ASH1L: variants seen among roughly 807,000 people sequenced by gnomAD.
ASH1L encodes ASH1 like histone lysine methyltransferase, also known as histone-lysine N-methyltransferase ASH1L.
A neutral mutation model predicts 269.0 loss-of-function variants in ASH1L; 23 were observed. The ratio of observed to expected loss-of-function variants is 0.09; its 90% CI spans 0.06 to 0.12. ASH1L has a LOEUF of 0.12. Among genes scored for constraint, ASH1L ranks in the 10% least tolerant of loss-of-function variants. ASH1L has a pLI of 1.00. For synonymous variants in ASH1L, 1,187 were observed against 1,253.5 expected (o/e 0.95, Z 1.12); for missense variants, 2,912 against 3,567.8 (o/e 0.82, Z 4.68).
intron 5 of ASH1L, among the ~76,000 whole-genome samples, chr1:155,420,807 A>AC (rs1199605651): frequency 2.0e-5 from 3 of 150,588 alleles, no homozygotes; most frequent in African/African-American, 2.4e-5. Context: ...CCAAGATCGC[A>AC]CTACTGCACT....
intron 5 of ASH1L, among the ~76,000 whole-genome samples, chr1:155,429,842 C>CTT (rs1661470304): frequency 6.6e-6 from 1 of 152,114 alleles, no homozygotes; most frequent in African/African-American, 2.4e-5. Flanking sequence ...CTTTGTCACC[C>CTT]AGGATGGAAT....
intron 4 of ASH1L, among the ~76,000 whole-genome samples, chr1:155,449,833 T>C (rs1275890960): frequency 6.6e-6 from 1 of 152,148 alleles, no homozygotes; most frequent in Non-Finnish European, 1.5e-5. Flanking sequence ...AAAATGTGTT[T>C]TATATTTTCC....
chr1:155,350,413 T>C (rs1425805376), intron 17 of ASH1L, among the ~76,000 whole-genome samples: 1 of 152,162 alleles, frequency 6.6e-6, no homozygotes, highest in Non-Finnish European at 1.5e-5. Context: ...TAAGATTGTC[T>C]AGGATATGAA....
At chr1:155,415,055 T>A (rs920449204) in intron 6 of ASH1L, among the ~76,000 whole-genome samples, 8 of 152,162 alleles carry the variant, frequency 5.3e-5, no homozygotes, top group African/African-American at 1.9e-4. Flanking sequence ...TCATTTTAGT[T>A]ACACAGAGCC....
intron 5 of ASH1L, among the ~76,000 whole-genome samples, chr1:155,417,509 T>C (rs1660312856): frequency 6.6e-6 from 1 of 152,162 alleles, no homozygotes. Context: ...CAGAAAACTG[T>C]AACCTGAGCA....
intron 5 of ASH1L, among the ~76,000 whole-genome samples, 171 bp from the exon 6 acceptor site, chr1:155,416,094 GA>G (rs1660186260): frequency 6.6e-6 from 1 of 150,922 alleles, no homozygotes; most frequent in Admixed American, 6.7e-5. Context: ...AGAAGTAATA[GA>G]AATATGGTAG....
chr1:155,513,276 A>T (rs1001385960), intron 2 of ASH1L, among the ~76,000 whole-genome samples: 1 of 152,062 alleles, frequency 6.6e-6, no homozygotes, highest in African/African-American at 2.4e-5. Context: ...ACATAGAATT[A>T]TAATGCCCCA....
intron 2 of ASH1L, among the ~76,000 whole-genome samples, chr1:155,487,158 T>C (rs1464463053): frequency 1.3e-5 from 2 of 151,782 alleles, no homozygotes; most frequent in African/African-American, 2.4e-5. Flanking sequence ...AGGATGAAAC[T>C]CCACCTCAAA....
intron 1 of ASH1L, among the ~76,000 whole-genome samples, chr1:155,528,782 G>A (rs1290247188): frequency 6.6e-6 from 1 of 152,036 alleles, no homozygotes; most frequent in African/African-American, 2.4e-5. Flanking sequence ...TGTCATGGGG[G>A]TTTATTTCAT....
chr1:155,559,853 A>G (rs1308664008), intron 1 of ASH1L, among the ~76,000 whole-genome samples: 1 of 152,120 alleles, frequency 6.6e-6, no homozygotes, highest in Non-Finnish European at 1.5e-5. Flanking sequence ...CCAAGACAGG[A>G]GCTTCAAATC....
Position 155,371,092 on chromosome 1 carries a change from AT to A in ASH1L, c.6333-110del, listed in dbSNP as rs1260304570. 15 of 898,792 alleles carry A rather than the reference AT, an allele frequency of 1.7e-5. No individual in the cohort carries two copies. In the East Asian group the frequency reaches 4.0e-4, roughly 24 times the overall value. The allele number at this position is 898,792 out of a possible 1,614,324, so 55.7% of individuals were successfully genotyped here. A position where few individuals can be genotyped will look rare whatever the true frequency, so the allele number is the denominator to read the frequency against. ...AAATGAATACATGAAATCAATTTTT[AT>A]TTAATAAAAGTACCCGAATCACTAA... On this transcript the variant is annotated intron_variant, in intron 10 of 27. Transcript: ENST00000392403.
At position 155,481,524 on chromosome 1, in the gene ASH1L, C is replaced by T. The variant is rs1665961554; in HGVS notation, c.1346G>A (p.Ser449Asn). The T allele has an allele frequency of 6.2e-7, 1 of 1,614,152 alleles. No individual in the cohort carries two copies. The highest frequency in any genetic ancestry group is 8.5e-7 in the Non-Finnish European group (1 of 1,180,012). ...TTTCAGGGATTCAGAAAGTTCCTGACTTTCCTGATTATTGATGTTTGTACT... is the reference window on the plus strand; with the variant it reads ...TTTCAGGGATTCAGAAAGTTCCTGATTTTCCTGATTATTGATGTTTGTACT... ...SCSTNINNQE[S>N]QELSESLKDS... Residue 449 changes from serine to asparagine, a missense_variant, in exon 3 of 28, where the codon AGT becomes AAT. Coordinates refer to ENST00000392403, the MANE Select transcript of ASH1L (RefSeq NM_018489.3).
In ASH1L at chr1:155,562,293, T is replaced by C. The variant is rs371059507; in HGVS notation, c.-240A>G. The C allele has an allele frequency of 3.3e-5, 53 of 1,599,578 alleles. No homozygotes were observed. Among genetic ancestry groups the C allele is most frequent in the South Asian group, 2.1e-4 (19 of 90,746 alleles). On this transcript the variant is annotated 5_prime_UTR_variant, in exon 1 of 28. Coordinates refer to ENST00000392403, the MANE Select transcript of ASH1L (RefSeq NM_018489.3). ...GTCAGGAGGCGGCCAGCGGGTAAGC[T>C]GACTGGCGGAAATGCGAGAGAGGAG...
At chr1:155,531,400 A>T (rs779390621) in intron 1 of ASH1L, among the ~76,000 whole-genome samples, 8 of 151,942 alleles carry the variant, frequency 5.3e-5, no homozygotes, top group Admixed American at 5.3e-4. Context: ...CCTGTCACCC[A>T]GGCTGGAGTG....
intron 2 of ASH1L, among the ~76,000 whole-genome samples, chr1:155,487,947 G>C (rs1468472460): frequency 6.6e-6 from 1 of 151,308 alleles, no homozygotes; most frequent in Non-Finnish European, 1.5e-5. Context: ...GAGCGCAGTG[G>C]CGCCATCTCG....
chr1:155,478,303 C>A lies in ASH1L; in HGVS notation c.4567G>T (p.Ala1523Ser). ...SLKRYRFGKD[A>S]VGERYKHKEK... ...TTATGCTTATATCGCTCTCCAACAGCATCCTTTCCAAATCTATAGCGCTTC... is the reference window on the plus strand; with the variant it reads ...TTATGCTTATATCGCTCTCCAACAGAATCCTTTCCAAATCTATAGCGCTTC... The change falls in exon 3 of 28, where the codon GCT (alanine) becomes TCT (serine). Residue 1523 changes from alanine (A) to serine (S), a missense_variant. Ala to Ser is a moderately conservative substitution (Grantham distance 99). This residue lies in a region of ASH1L where 789 missense variants were observed against 897.6 expected (regional missense o/e 0.88). Coordinates refer to ENST00000392403, the MANE Select transcript of ASH1L (RefSeq NM_018489.3). The surrounding 1 kb of genome is among the most constrained non-coding windows in gnomAD (Gnocchi z 4.6). The A allele has an allele frequency of 3.7e-6, 6 of 1,614,158 alleles. No homozygotes were observed. Among genetic ancestry groups the A allele is most frequent in the Non-Finnish European group, 5.1e-6 (6 of 1,180,024 alleles).
At chr1:155,417,442 A>G (rs576646623) in intron 5 of ASH1L, among the ~76,000 whole-genome samples, 28 of 152,336 alleles carry the variant, frequency 1.8e-4, no homozygotes, top group African/African-American at 6.7e-4. Flanking sequence ...GTATACTGCT[A>G]AACACTACGT....
At chr1:155,452,425 T>C (rs1274299415) in intron 4 of ASH1L, among the ~76,000 whole-genome samples, 1 of 152,252 alleles carries the variant, frequency 6.6e-6, no homozygotes, top group African/African-American at 2.4e-5. Context: ...TGTTGAACTT[T>C]GTTTTAAAAA....
intron 3 of ASH1L, among the ~76,000 whole-genome samples, chr1:155,461,174 T>C (rs1570883863): frequency 6.6e-6 from 1 of 152,340 alleles, no homozygotes; most frequent in East Asian, 1.9e-4. Flanking sequence ...AAAGAAGATG[T>C]GATTAATTCT....
Sources: gnomAD v4.1 joint callset for allele counts (sites outside exome capture counted in the v4.1 genomes callset) on GRCh38, gnomAD v4.1.1 for gene constraint, gnomAD v4.1.1 regional missense constraint, Gnocchi (gnomAD v3.1) non-coding constraint, MANE v1.5 for transcripts, NCBI Gene and HGNC (gene_info 2026-07-23, HGNC 2026-07-21) for gene names.